SASH1: variants seen among roughly 807,000 people sequenced by gnomAD.
SASH1 encodes SAM and SH3 domain containing 1.
Under a neutral mutation model 125.2 loss-of-function variants are expected in SASH1, and 44 were observed. The observed-to-expected ratio is 0.35, with a 90% CI of 0.28 to 0.45. The LOEUF (loss-of-function observed/expected upper bound fraction) is 0.45. Among genes scored for constraint, SASH1 ranks in the 20% least tolerant of loss-of-function variants. The probability of loss-of-function intolerance (pLI) is 1.00; values close to 1 mark genes in which losing one functional copy is unlikely to be tolerated. For missense variants in SASH1, 1,426 were observed against 1,614.5 expected, an observed-to-expected ratio of 0.88 and a Z score of 2.00; for synonymous variants, 639 against 649.1, an observed-to-expected ratio of 0.98 and a Z score of 0.24.
At chr6:148,249,346 GCA>G in the SASH1 span, among the ~76,000 whole-genome samples, 1 of 84 alleles carries the variant, frequency 0.012, no homozygotes, top group Admixed American at 0.1. Flanking sequence ...GTGTGTGTGT[GCA>G]TGCATCACAC....
At chr6:148,449,078 C>CTTTTTCTTTTTCTTTTT in intron 4 of SASH1, among the ~76,000 whole-genome samples, 5 of 88,702 alleles carry the variant, frequency 5.6e-5, no homozygotes, top group Admixed American at 1.2e-4. Context: ...CATTTCATTT[C>CTTTTTCTTTTTCTTTTT]TTTTTTTTTT....
chr6:148,417,713 T>C (rs1784884923), intron 2 of SASH1, among the ~76,000 whole-genome samples: 1 of 117,218 alleles, frequency 8.5e-6, no homozygotes, highest in African/African-American at 3.1e-5. Context: ...CTCAGTTTCC[T>C]CATTGGTTTT....
At chr6:148,378,943 C>A (rs1438439332) in intron 1 of SASH1, among the ~76,000 whole-genome samples, 1 of 152,142 alleles carries the variant, frequency 6.6e-6, no homozygotes, top group East Asian at 1.9e-4. Context: ...AGGATTATAT[C>A]CCCATTTGTT....
intron 8 of SASH1, 24 bp from the exon 9 acceptor site, chr6:148,514,300 C>A (rs771471611): frequency 2.5e-6 from 4 of 1,595,748 alleles, no homozygotes; most frequent in Middle Eastern, 1.7e-4. Context: ...ACCTGATTAA[C>A]TTTTTCCTTT....
At chr6:148,212,958 A>G in the SASH1 span, among the ~76,000 whole-genome samples, 1 of 152,028 alleles carries the variant, frequency 6.6e-6, no homozygotes. Flanking sequence ...AGGGGAGGGG[A>G]CTCAGGGACA....
intron 4 of SASH1, chr6:148,440,800 T>G (rs1295263592): frequency 1.1e-5 from 2 of 175,074 alleles, no homozygotes; most frequent in Non-Finnish European, 2.4e-5. Context: ...AATAAACCAA[T>G]GATTAAAAAC....
At chr6:148,245,048 C>G in the SASH1 span, among the ~76,000 whole-genome samples, 1 of 151,678 alleles carries the variant, frequency 6.6e-6, no homozygotes, top group Non-Finnish European at 1.5e-5. Context: ...ACCCCATGTT[C>G]AACTCAGTTG....
intron 1 of SASH1, among the ~76,000 whole-genome samples, chr6:148,365,077 C>T (rs12526769): frequency 0.03 from 4,554 of 151,424 alleles, 216 homozygotes; most frequent in East Asian, 0.18. Context: ...GAGCTGAGAT[C>T]GTGCCACTGC....
rs59896798 is a variant in SASH1 at position 148,359,219 on chromosome 6, C to T, written c.156+15996C>T. 2.0e-3 allele frequency among the ~76,000 whole-genome samples: 299 copies of T among 152,020 alleles called. 4 individuals are homozygous for T. The East Asian group carries it at 0.045, about 23-fold the overall frequency. Reference sequence around the variant, plus strand: ...TATTGTCCAAGCTGAAGTGCAGCTGCGCCATCTCAGCTCACTGTAACCTCC... The same window carrying T: ...TATTGTCCAAGCTGAAGTGCAGCTGTGCCATCTCAGCTCACTGTAACCTCC... On this transcript the variant is annotated intron_variant, in intron 1 of 19. Transcript: ENST00000367467.
chr6:148,387,681 T>C (rs1278684386), intron 1 of SASH1, among the ~76,000 whole-genome samples: 2 of 126,438 alleles, frequency 1.6e-5, no homozygotes, highest in Admixed American at 8.8e-5. Flanking sequence ...TCTTTCTTTC[T>C]TTCTTTCTTT....
intron 2 of SASH1, among the ~76,000 whole-genome samples, chr6:148,401,061 A>G (rs1784149277): frequency 1.3e-5 from 2 of 152,108 alleles, no homozygotes; most frequent in Non-Finnish European, 2.9e-5. Flanking sequence ...CCTGGGCAAC[A>G]TGGTGAAATC....
chr6:148,535,881 G>GT (rs1234497970), intron 16 of SASH1, among the ~76,000 whole-genome samples: 2 of 152,164 alleles, frequency 1.3e-5, no homozygotes, highest in Non-Finnish European at 2.9e-5. Flanking sequence ...ATGGTTAATG[G>GT]TGGAAAAAAG....
intron 1 of SASH1, among the ~76,000 whole-genome samples, chr6:148,383,065 A>AACG (rs982869481): frequency 2.6e-5 from 4 of 152,366 alleles, no homozygotes; most frequent in African/African-American, 9.6e-5. Flanking sequence ...ATGTCTGCAG[A>AACG]ACGACGACGA....
chr6:148,260,904 G>A, the SASH1 span, among the ~76,000 whole-genome samples: 4 of 148,460 alleles, frequency 2.7e-5, no homozygotes, highest in Non-Finnish European at 3.0e-5. Flanking sequence ...TCCTGGGTTC[G>A]AGCGATTCTC....
chr6:148,259,484 C>A, the SASH1 span, among the ~76,000 whole-genome samples: 1 of 152,212 alleles, frequency 6.6e-6, no homozygotes, highest in Non-Finnish European at 1.5e-5. Context: ...TGAGCCACTC[C>A]TGTTGAAGGC....
chr6:148,389,219 C>T (rs1360574435), intron 1 of SASH1, among the ~76,000 whole-genome samples: 9 of 152,184 alleles, frequency 5.9e-5, no homozygotes, highest in Admixed American at 5.9e-4. Flanking sequence ...GCGCTTCACA[C>T]GTGTTACTCC....
intron 1 of SASH1, among the ~76,000 whole-genome samples, chr6:148,289,069 T>A (rs962837104): frequency 3.9e-5 from 6 of 151,938 alleles, no homozygotes; most frequent in African/African-American, 1.4e-4. Context: ...ATCTTGGCTC[T>A]CCACAGGTTC....
rs551655678 is a variant in SASH1 at position 148,538,082 on chromosome 6, C to G, written c.2096-2361C>G. On this transcript the variant is annotated intron_variant, in intron 16 of 19. Coordinates refer to ENST00000367467, the MANE Select transcript of SASH1 (RefSeq NM_015278.5). Reference sequence around the variant, plus strand: ...GAGGAGAGGCACCTCACCTCTTTTTCTCTTCTCCCTAATGAAGACAGCGAT... The same window carrying G: ...GAGGAGAGGCACCTCACCTCTTTTTGTCTTCTCCCTAATGAAGACAGCGAT... Among the ~76,000 whole-genome samples, 4 of 152,236 alleles carry G rather than the reference C, an allele frequency of 2.6e-5. No individual in the cohort carries two copies. In the South Asian group the frequency reaches 8.3e-4, roughly 32 times the overall value.
chr6:148,296,711 G>A (rs1052247541), intron 1 of SASH1, among the ~76,000 whole-genome samples: 2 of 152,138 alleles, frequency 1.3e-5, no homozygotes, highest in Non-Finnish European at 2.9e-5. Flanking sequence ...AGTGTTACAC[G>A]TATGTGGGCA....
Sources: gnomAD v4.1 joint callset for allele counts (sites outside exome capture counted in the v4.1 genomes callset) on GRCh38, gnomAD v4.1.1 for gene constraint, MANE v1.5 for transcripts, NCBI Gene and HGNC (gene_info 2026-07-23, HGNC 2026-07-21) for gene names.